The following EDA variants were observed in gnomAD, a reference collection of about 807,000 sequenced individuals.
EDA encodes the protein ectodysplasin A.
A neutral mutation model predicts 23.6 loss-of-function variants in EDA; 2 were observed. The ratio of observed to expected loss-of-function variants is 0.08; its 90% CI spans 0.03 to 0.27. The LOEUF (loss-of-function observed/expected upper bound fraction) is 0.27, where lower values mean the gene tolerates loss of function less well. Among genes scored for constraint, EDA ranks in the 10% least tolerant of loss-of-function variants. The pLI, the probability that EDA is intolerant of heterozygous loss-of-function variation, is 1.00. For missense variants in EDA, 229 were observed against 324.2 expected, an observed-to-expected ratio of 0.71 and a Z score of 2.26; for synonymous variants, 131 against 132.0, an observed-to-expected ratio of 0.99 and a Z score of 0.05.
At chrX:70,031,240 T>A (rs1267206587) in intron 6 of EDA, among the ~76,000 whole-genome samples, 3 of 112,340 alleles carry the variant, frequency 2.7e-5, no homozygotes, top group Non-Finnish European at 5.6e-5. Flanking sequence ...GAGAGATTAA[T>A]TAAGTTTCCC....
intron 2 of EDA, among the ~76,000 whole-genome samples, chrX:69,991,571 G>C (rs1231251565): frequency 1.8e-5 from 2 of 111,486 alleles, no homozygotes; most frequent in Non-Finnish European, 3.8e-5. Flanking sequence ...CAGCCACCCA[G>C]AGCTTGTGGG....
At chrX:70,011,386 A>G (rs1476203068) in intron 2 of EDA, among the ~76,000 whole-genome samples, 1 of 102,220 alleles carries the variant, frequency 9.8e-6, no homozygotes, top group Non-Finnish European at 2.0e-5. Flanking sequence ...GCTGGAGCGT[A>G]GTGGAATGAT....
chrX:70,033,280 C>T, intron 6 of EDA, 118 bp from the exon 7 acceptor site: 1 of 1,031,058 alleles, frequency 9.7e-7, no homozygotes, highest in Non-Finnish European at 1.4e-6. Flanking sequence ...GTTTGGCCTT[C>T]TAGGCTACCC....
intron 1 of EDA, among the ~76,000 whole-genome samples, chrX:69,679,498 T>A (rs183537855): frequency 9.0e-6 from 1 of 111,562 alleles, no homozygotes; most frequent in African/African-American, 3.3e-5. Flanking sequence ...CAATTTCAGA[T>A]CCTGTTATTG....
chrX:69,677,210 T>G (rs1386801241), intron 1 of EDA, among the ~76,000 whole-genome samples: 2 of 105,346 alleles, frequency 1.9e-5, no homozygotes, highest in East Asian at 3.0e-4. Context: ...TGCCACATTT[T>G]CTTAATCCAG....
At chrX:69,670,455 G>T (rs1317322704) in intron 1 of EDA, among the ~76,000 whole-genome samples, 3 of 110,266 alleles carry the variant, frequency 2.7e-5, no homozygotes, top group African/African-American at 9.9e-5. Context: ...CCAAGACTTC[G>T]GAAGTTGTCA....
chrX:69,935,154 G>A (rs1246103985), intron 1 of EDA, among the ~76,000 whole-genome samples: 1 of 112,106 alleles, frequency 8.9e-6, no homozygotes, highest in African/African-American at 3.2e-5. Context: ...GTACTGCATT[G>A]TGTATGTGTA....
chrX:70,030,007 C>T (rs2020176578), intron 5 of EDA, among the ~76,000 whole-genome samples: 1 of 112,620 alleles, frequency 8.9e-6, no homozygotes, highest in African/African-American at 3.2e-5. Context: ...GAGCTCCTCC[C>T]AGTCTTTGAG....
intron 1 of EDA, among the ~76,000 whole-genome samples, chrX:69,695,764 C>G (rs1250585224): frequency 3.7e-5 from 4 of 108,938 alleles, no homozygotes; most frequent in Non-Finnish European, 5.7e-5. Flanking sequence ...GCCTTGGCCT[C>G]CCAAAGTGCT....
intron 1 of EDA, among the ~76,000 whole-genome samples, chrX:69,825,627 T>C (rs141458606): frequency 0.018 from 2,061 of 112,794 alleles, 41 homozygotes; most frequent in African/African-American, 0.065. Context: ...CTATCAATTT[T>C]GTTGATCCTC....
At chrX:69,863,833 T>C (rs1241571111) in intron 1 of EDA, among the ~76,000 whole-genome samples, 1 of 109,354 alleles carries the variant, frequency 9.1e-6, no homozygotes, top group African/African-American at 3.3e-5. Flanking sequence ...TATTTTGAGA[T>C]GGTTGAAATG....
chrX:69,895,924 G>A (rs929177559), intron 1 of EDA, among the ~76,000 whole-genome samples: 2 of 112,279 alleles, frequency 1.8e-5, no homozygotes, highest in Non-Finnish European at 3.8e-5. Flanking sequence ...ATGATGTACT[G>A]TATTAGTTTG....
intron 1 of EDA, among the ~76,000 whole-genome samples, chrX:69,726,708 G>C (rs1218031500): frequency 1.8e-5 from 2 of 112,064 alleles, no homozygotes; most frequent in Non-Finnish European, 3.8e-5. Context: ...AGAAGATTTG[G>C]AGTCTGGTGA....
intron 3 of EDA, among the ~76,000 whole-genome samples, chrX:70,025,054 A>G (rs910548327): frequency 4.5e-5 from 5 of 111,831 alleles, no homozygotes; most frequent in African/African-American, 9.8e-5. Context: ...TAAGTATGCA[A>G]GTGTGAGAAG....
At chrX:69,626,383 T>A (rs1346336469) in intron 1 of EDA, among the ~76,000 whole-genome samples, 1 of 112,079 alleles carries the variant, frequency 8.9e-6, no homozygotes, top group Non-Finnish European at 1.9e-5. Flanking sequence ...TTATTCATAA[T>A]AGTCAAAAAG....
intron 1 of EDA, among the ~76,000 whole-genome samples, chrX:69,698,544 A>G (rs2011435268): frequency 8.9e-6 from 1 of 111,912 alleles, no homozygotes; most frequent in South Asian, 3.8e-4. Flanking sequence ...CGAGTGGCTC[A>G]GAGTCTGGTA....
chrX:69,736,723 C>T (rs1291314341), intron 1 of EDA, among the ~76,000 whole-genome samples: 1 of 108,054 alleles, frequency 9.3e-6, no homozygotes, highest in Non-Finnish European at 1.9e-5. Flanking sequence ...TTTTTTCCAG[C>T]AGTTTTAGTT....
chrX:69,969,136 C>A (rs761004214), intron 2 of EDA, among the ~76,000 whole-genome samples: 1 of 112,229 alleles, frequency 8.9e-6, no homozygotes, highest in Non-Finnish European at 1.9e-5. Context: ...CAGATCTATT[C>A]TCCCTATAGC....
rs1207962244 is a variant in EDA, at chrX:70,036,649, A to G, written c.*1040A>G. On this transcript the variant is annotated 3_prime_UTR_variant, in exon 8 of 8. Coordinates refer to ENST00000374552, the MANE Select transcript of EDA (RefSeq NM_001399.5). ...ACCTCCAGAAGTCCCTTCAATTTCTAGTACCTGTGACTCTTAGCCCTCACC... is the reference window on the plus strand; with the variant it reads ...ACCTCCAGAAGTCCCTTCAATTTCTGGTACCTGTGACTCTTAGCCCTCACC... 2 of 112,994 alleles carry G rather than the reference A, an allele frequency of 1.8e-5. No homozygotes were observed. Among genetic ancestry groups the G allele is most frequent in the Non-Finnish European group, 3.7e-5 (2 of 53,413 alleles). The allele number at this position is 112,994 out of a possible 1,213,427, so 9.3% of individuals were successfully genotyped here.
Sources: allele counts gnomAD v4.1 joint callset (sites outside exome capture counted in the v4.1 genomes callset), GRCh38; gene constraint gnomAD v4.1.1; transcripts MANE v1.5; gene names NCBI Gene and HGNC (gene_info 2026-07-23, HGNC 2026-07-21).